PDE3A: variants seen among roughly 807,000 people sequenced by gnomAD.
The protein encoded by PDE3A is phosphodiesterase 3A.
Under a neutral mutation model 98.3 loss-of-function variants are expected in PDE3A, and 43 were observed. The observed-to-expected ratio is 0.44, with a 90% CI of 0.34 to 0.56. The LOEUF (loss-of-function observed/expected upper bound fraction) is 0.56. PDE3A is among the 20% of genes least tolerant of loss of function. The pLI is 0.01. For synonymous variants in PDE3A, 663 were observed against 567.9 expected (o/e 1.17, Z -2.38); for missense variants, 1,427 against 1,440.7 (o/e 0.99, Z 0.15).
chr12:20,494,888 T>C (rs200149055), intron 1 of PDE3A, among the ~76,000 whole-genome samples: 1 of 125,732 alleles, frequency 8.0e-6, no homozygotes, highest in Non-Finnish European at 1.8e-5. Context: ...AAAAAAAAAA[T>C]ACATAAATAG....
intron 1 of PDE3A, among the ~76,000 whole-genome samples, chr12:20,461,007 A>G (rs1945238952): frequency 6.6e-6 from 1 of 152,164 alleles, no homozygotes; most frequent in Non-Finnish European, 1.5e-5. Context: ...TGAAATGTAG[A>G]GTCCGTATCA....
intron 5 of PDE3A, among the ~76,000 whole-genome samples, chr12:20,624,642 C>T (rs1337694392): frequency 6.6e-6 from 1 of 152,140 alleles, no homozygotes; most frequent in Non-Finnish European, 1.5e-5. Flanking sequence ...GCTGTCACAG[C>T]ACAGCTAAAA....
intron 1 of PDE3A, among the ~76,000 whole-genome samples, chr12:20,422,904 A>G (rs574640591): frequency 3.6e-4 from 55 of 152,348 alleles, no homozygotes; most frequent in Non-Finnish European, 7.2e-4. Flanking sequence ...TTTGGAGGAC[A>G]TAATTTTAAA....
chr12:20,378,999 C>T lies in PDE3A; in HGVS notation c.960+8755C>T, dbSNP rs534998952. Among the ~76,000 whole-genome samples the T allele has an allele frequency of 9.2e-5, 14 of 151,790 alleles. No individual in the cohort carries two copies. The South Asian group carries it at 2.9e-3, about 31-fold the overall frequency. ...TATTGAAATAATTTTATGCAAGAAT[C>T]TTGTGGTTTTGGTTTAATAGGATTT... On this transcript the variant is annotated intron_variant, in intron 1 of 15. Coordinates refer to ENST00000359062, the MANE Select transcript of PDE3A (RefSeq NM_000921.5).
Position 20,637,085 on chromosome 12 carries a change from T to G in PDE3A, c.2002-15T>G. On this transcript the variant is annotated splice_polypyrimidine_tract_variant and intron_variant, in intron 8 of 15. Coordinates refer to ENST00000359062, the MANE Select transcript of PDE3A (RefSeq NM_000921.5). The stretch of plus-strand genomic sequence containing the variant: ...ACTGCATGCTGTTTAAGTATTTTAA[T>G]GTTAAACATTACAGGACAAACCAAT... 1 of 1,558,254 alleles carries G rather than the reference T, an allele frequency of 6.4e-7. No homozygotes were observed. The highest frequency in any genetic ancestry group is 8.7e-7 in the Non-Finnish European group (1 of 1,155,112).
chr12:20,448,081 G>T (rs1039176968), intron 1 of PDE3A, among the ~76,000 whole-genome samples: 1 of 152,172 alleles, frequency 6.6e-6, no homozygotes, highest in Non-Finnish European at 1.5e-5. Flanking sequence ...CATTTACTGA[G>T]ATGGGAAGTC....
intron 1 of PDE3A, among the ~76,000 whole-genome samples, chr12:20,376,105 T>G (rs1943567164): frequency 6.6e-6 from 1 of 151,912 alleles, no homozygotes; most frequent in Non-Finnish European, 1.5e-5. Flanking sequence ...ATTTAGGACA[T>G]GTTACACTTC....
chr12:20,581,213 C>T (rs1028437561), intron 2 of PDE3A, among the ~76,000 whole-genome samples: 10 of 152,128 alleles, frequency 6.6e-5, no homozygotes, highest in Non-Finnish European at 1.0e-4. Context: ...TTTAATATGA[C>T]GAATGCATTA....
Position 20,648,892 on chromosome 12 carries a change from G to A in PDE3A, c.2769+1G>A, listed in dbSNP as rs1165985462. 1.3e-6 allele frequency: 2 copies of A among 1,549,554 alleles called. No homozygotes were observed. The highest frequency in any genetic ancestry group is 1.4e-5 in the African/African-American group (1 of 73,338). On this transcript the variant is annotated splice_donor_variant, in intron 13 of 15. Transcript: ENST00000359062. LOFTEE classifies it high-confidence loss of function. ...CTTCGTAGCCAAATTTAATGGCAAG[G>A]TAAATAGAGCTGTACCCAGTTTTCT...
chr12:20,442,601 C>T (rs4762755), intron 1 of PDE3A, among the ~76,000 whole-genome samples: 67,854 of 151,984 alleles, frequency 0.45, 17,551 homozygotes, highest in Non-Finnish European at 0.57. Flanking sequence ...GGGAGACGCA[C>T]GGAAATACTT....
In PDE3A at chr12:20,624,378, C is replaced by T. The variant is rs183319055; in HGVS notation, c.1540+2967C>T. ...TGGTTAGGGCAGACCCTGGAAATAT[C>T]AGATCAAGTGATGGAACAGCCTCAT... On this transcript the variant is annotated intron_variant, in intron 5 of 15. Transcript: ENST00000359062. Among the ~76,000 whole-genome samples, 291 of 152,264 alleles carry T rather than the reference C, an allele frequency of 1.9e-3. 4 individuals carry two copies. The highest frequency in any genetic ancestry group is 0.01 in the Middle Eastern group (3 of 294).
At chr12:20,487,186 G>A (rs898366238) in intron 1 of PDE3A, among the ~76,000 whole-genome samples, 6 of 152,028 alleles carry the variant, frequency 3.9e-5, no homozygotes, top group Non-Finnish European at 8.8e-5. Context: ...ATGCCTATGT[G>A]TAGAACTAAA....
At chr12:20,483,194 T>C (rs2121013027) in intron 1 of PDE3A, among the ~76,000 whole-genome samples, 1 of 152,180 alleles carries the variant, frequency 6.6e-6, no homozygotes, top group African/African-American at 2.4e-5. Flanking sequence ...ATCGGGACCA[T>C]CCTGGCCAAA....
chr12:20,648,715 T>A lies in PDE3A; in HGVS notation c.2593T>A (p.Leu865Met), dbSNP rs1592145544. ...GGTGCTATATAACGATCGTTCAGTT[T>A]TGGAGAATCATCACGCAGCTGCTGC... ...QAVLYNDRSVLENHHAAAAWN... is the reference protein window; with the variant it reads ...QAVLYNDRSVMENHHAAAAWN... Residue 865 changes from leucine to methionine, a missense_variant, in exon 13 of 16, where the codon TTG becomes ATG. This residue lies in a region of PDE3A where 273 missense variants were observed against 420.3 expected (regional missense o/e 0.65). Transcript: ENST00000359062. 5 of 1,612,852 alleles carry A rather than the reference T, an allele frequency of 3.1e-6. No individual in the cohort carries two copies. Among genetic ancestry groups the A allele is most frequent in the Non-Finnish European group, 2.5e-6 (3 of 1,178,966 alleles).
chr12:20,673,272 C>A lies in PDE3A; in HGVS notation c.3185-6758C>A, dbSNP rs1413665064. Among the ~76,000 whole-genome samples, 10 of 151,236 alleles carry A rather than the reference C, an allele frequency of 6.6e-5. No individual in the cohort carries two copies. The East Asian group carries it at 1.8e-3, about 27-fold the overall frequency. ...TGGTGGGACTGTAAACTAGTTCAACCATTGTGGAAGTCAGTGTGGCGATTC... is the reference window on the plus strand; with the variant it reads ...TGGTGGGACTGTAAACTAGTTCAACAATTGTGGAAGTCAGTGTGGCGATTC... On this transcript the variant is annotated intron_variant, in intron 15 of 15. Coordinates refer to ENST00000359062, the MANE Select transcript of PDE3A (RefSeq NM_000921.5).
chr12:20,679,414 A>T (rs985520927), intron 15 of PDE3A, among the ~76,000 whole-genome samples: 2 of 151,826 alleles, frequency 1.3e-5, no homozygotes, highest in Non-Finnish European at 2.9e-5. Flanking sequence ...CGCCTGGTTA[A>T]TTTTTTGTAT....
At chr12:20,554,329 T>C (rs1359928756) in intron 1 of PDE3A, among the ~76,000 whole-genome samples, 1 of 150,846 alleles carries the variant, frequency 6.6e-6, no homozygotes, top group East Asian at 1.9e-4. Flanking sequence ...GTCCAGATTT[T>C]AGATTCTCAG....
chr12:20,586,621 A>G (rs945720394), intron 2 of PDE3A, among the ~76,000 whole-genome samples: 9 of 152,246 alleles, frequency 5.9e-5, no homozygotes, highest in Non-Finnish European at 1.2e-4. Flanking sequence ...TGAGGAACTC[A>G]GAGCTATGTG....
At chr12:20,596,587 A>C (rs553553364) in intron 2 of PDE3A, among the ~76,000 whole-genome samples, 3 of 152,300 alleles carry the variant, frequency 2.0e-5, no homozygotes, top group African/African-American at 7.2e-5. Context: ...TTAGCAATAG[A>C]AGTCTCCACA....
Sources: allele counts gnomAD v4.1 joint callset (sites outside exome capture counted in the v4.1 genomes callset), GRCh38; gene constraint gnomAD v4.1.1; regional missense constraint gnomAD v4.1.1; transcripts MANE v1.5; gene names NCBI Gene and HGNC (gene_info 2026-07-23, HGNC 2026-07-21).